The following ASCC3 variants were observed in gnomAD, a reference collection of about 807,000 sequenced individuals.
ASCC3 encodes the protein activating signal cointegrator 1 complex subunit 3, also known as ASC-1 complex subunit P200.
Under a neutral mutation model 256.3 loss-of-function variants are expected in ASCC3, and 158 were observed. The observed-to-expected ratio is 0.62, with a 90% confidence interval of 0.54 to 0.70. The LOEUF is 0.70. ASCC3 is among the 30% of genes least tolerant of loss of function. The pLI is 0.00. For missense variants in ASCC3, 2,259 were observed against 2,626.0 expected (o/e 0.86, Z 3.05); for synonymous variants, 948 against 883.4 (o/e 1.07, Z -1.30).
chr6:100,642,502 G>A (rs555607132), intron 24 of ASCC3, 79 bp downstream of exon 24: 43 of 1,417,852 alleles, frequency 3.0e-5, no homozygotes, highest in Non-Finnish European at 4.0e-5. Context: ...ACTTTATTAC[G>A]GTGTAGACAT....
At chr6:100,845,125 T>C (rs1772326665) in intron 4 of ASCC3, among the ~76,000 whole-genome samples, 1 of 152,166 alleles carries the variant, frequency 6.6e-6, no homozygotes, top group Non-Finnish European at 1.5e-5. Flanking sequence ...CAGGAATATG[T>C]ACAAATCTAC....
chr6:100,714,911 T>C (rs1779020118), intron 13 of ASCC3, among the ~76,000 whole-genome samples: 1 of 151,968 alleles, frequency 6.6e-6, no homozygotes, highest in South Asian at 2.1e-4. Context: ...TCACTACTCT[T>C]AAAAGGAATT....
At chr6:100,725,329 G>A (rs1473391860) in intron 11 of ASCC3, among the ~76,000 whole-genome samples, 1 of 151,818 alleles carries the variant, frequency 6.6e-6, no homozygotes, top group Non-Finnish European at 1.5e-5. Flanking sequence ...TTGGCATTAG[G>A]AATTTACCAA....
chr6:100,669,990 C>T (rs1392620851), intron 14 of ASCC3, among the ~76,000 whole-genome samples: 11 of 151,536 alleles, frequency 7.3e-5, no homozygotes, highest in Non-Finnish European at 1.2e-4. Context: ...AATAAATTTA[C>T]GGAATTTCTA....
chr6:100,820,352 AT>A (rs1770976630), intron 4 of ASCC3, among the ~76,000 whole-genome samples: 1 of 152,216 alleles, frequency 6.6e-6, no homozygotes, highest in Non-Finnish European at 1.5e-5. Context: ...TGGTCAACCA[AT>A]TTTTTAAAAG....
At chr6:100,728,754 C>T (rs1224514353) in intron 10 of ASCC3, among the ~76,000 whole-genome samples, 1 of 152,092 alleles carries the variant, frequency 6.6e-6, no homozygotes, top group Admixed American at 6.6e-5. Flanking sequence ...TTTACCTTCT[C>T]CTTTCCCACT....
chr6:100,646,548 A>G, intron 22 of ASCC3, 67 bp downstream of exon 22: 1 of 1,490,338 alleles, frequency 6.7e-7, no homozygotes. Context: ...CCTTAGGAAC[A>G]GATGTAGTTG....
chr6:100,657,764 A>C (rs140890074), intron 16 of ASCC3, among the ~76,000 whole-genome samples: 60 of 151,590 alleles, frequency 4.0e-4, no homozygotes, highest in African/African-American at 1.2e-3. Context: ...CGATCAACTA[A>C]AGCAAGTGTT....
At chr6:100,714,203 G>A (rs1443733168) in intron 13 of ASCC3, among the ~76,000 whole-genome samples, 1 of 152,028 alleles carries the variant, frequency 6.6e-6, no homozygotes, top group African/African-American at 2.4e-5. Flanking sequence ...GGCCCATAAA[G>A]CCTTAAATAT....
intron 4 of ASCC3, among the ~76,000 whole-genome samples, chr6:100,807,483 G>A (rs1021267812): frequency 6.6e-6 from 1 of 151,684 alleles, no homozygotes; most frequent in African/African-American, 2.4e-5. Flanking sequence ...CACTTAGGGG[G>A]CCCACATGGT....
chr6:100,567,914 T>C (rs1582462547), intron 36 of ASCC3, among the ~76,000 whole-genome samples: 2 of 152,186 alleles, frequency 1.3e-5, no homozygotes, highest in East Asian at 1.9e-4. Context: ...TCCCCAGTAA[T>C]GGGATTGCTG....
At chr6:100,574,471 T>C (rs1407946670) in intron 36 of ASCC3, among the ~76,000 whole-genome samples, 1 of 152,052 alleles carries the variant, frequency 6.6e-6, no homozygotes, top group Non-Finnish European at 1.5e-5. Flanking sequence ...AGTAGTTGTG[T>C]CATCTTGGGC....
intron 10 of ASCC3, among the ~76,000 whole-genome samples, chr6:100,743,447 C>T (rs148985265): frequency 7.9e-4 from 120 of 152,122 alleles, no homozygotes; most frequent in Non-Finnish European, 1.3e-3. Context: ...CTCGTGACTT[C>T]CCCATCCCCT....
rs184841102 is a variant in ASCC3 at position 100,623,878 on chromosome 6, C to T, written c.4785+1314G>A. On this transcript the variant is annotated intron_variant, in intron 30 of 41. Coordinates refer to ENST00000369162, the MANE Select transcript of ASCC3 (RefSeq NM_006828.4). Reference sequence around the variant, plus strand: ...AAGTCTTCTATTTGTAAAAAGACACCATGATATTGTTCTCACTCACAGGTG... The same window carrying T: ...AAGTCTTCTATTTGTAAAAAGACACTATGATATTGTTCTCACTCACAGGTG... Among the ~76,000 whole-genome samples the T allele has an allele frequency of 2.2e-3, 338 of 151,294 alleles. 1 individual carries two copies. Among genetic ancestry groups the T allele is most frequent in the African/African-American group, 7.7e-3 (319 of 41,210 alleles).
chr6:100,624,964 T>C (rs566741440), intron 30 of ASCC3, among the ~76,000 whole-genome samples: 1 of 152,096 alleles, frequency 6.6e-6, no homozygotes, highest in Admixed American at 6.6e-5. Context: ...AATGTTACAA[T>C]ATACACAGGT....
chr6:100,747,653 C>T lies in ASCC3; in HGVS notation c.1737+18912G>A, dbSNP rs563963874. 3.9e-5 allele frequency among the ~76,000 whole-genome samples: 6 copies of T among 152,056 alleles called. No individual in the cohort carries two copies. The East Asian group carries it at 1.2e-3, about 29-fold the overall frequency. On this transcript the variant is annotated intron_variant, in intron 10 of 41. Transcript: ENST00000369162. ...TAAAAATGTATACGCTGTGTGACTC[C>T]ACATATATAAAATTTTAAAAATGTA...
intron 30 of ASCC3, among the ~76,000 whole-genome samples, chr6:100,614,101 T>C (rs1414222686): frequency 1.3e-5 from 2 of 152,190 alleles, no homozygotes; most frequent in Non-Finnish European, 2.9e-5. Flanking sequence ...GAAATCCCAG[T>C]GTAAGCACTT....
At position 100,798,803 on chromosome 6, in the gene ASCC3, G is replaced by A. The variant is rs781740422; in HGVS notation, c.1305C>T (p.Asn435=). The A allele has an allele frequency of 1.5e-5, 24 of 1,612,608 alleles. No homozygotes were observed. The highest frequency in any genetic ancestry group is 2.0e-5 in the Non-Finnish European group (23 of 1,179,434). The change falls in exon 8 of 42, where the codon AAC becomes AAT. Residue 435 remains asparagine, a synonymous_variant. Transcript: ENST00000369162. ...ILPEGIQREN[N]KLYEEVRIPY... is the part of the protein sequence containing the mutation. Reference sequence around the variant, plus strand: ...GAATCCTTACTTCTTCATAAAGCTTGTTATTCTCTCTTTGGATTCCTTCTG... The same window carrying A: ...GAATCCTTACTTCTTCATAAAGCTTATTATTCTCTCTTTGGATTCCTTCTG...
In ASCC3 at chr6:100,508,384, A is replaced by G. The variant is rs1427712457; in HGVS notation, c.*1002T>C. The G allele has an allele frequency of 6.6e-6, 1 of 152,186 alleles. No homozygotes were observed. The highest frequency in any genetic ancestry group is 1.9e-4 in the East Asian group (1 of 5,200). The allele number at this position is 152,186 out of a possible 1,614,324, so 9.4% of individuals were successfully genotyped here. On this transcript the variant is annotated 3_prime_UTR_variant, in exon 42 of 42. Transcript: ENST00000369162. The stretch of plus-strand genomic sequence containing the variant: ...AGAATTTCATTCCACTAGAATGCAT[A>G]TTATATGAACATTGAATTTTAACAA...
Sources: gnomAD v4.1 joint callset for allele counts (sites outside exome capture counted in the v4.1 genomes callset) on GRCh38, gnomAD v4.1.1 for gene constraint, MANE v1.5 for transcripts, NCBI Gene and HGNC (gene_info 2026-07-23, HGNC 2026-07-21) for gene names.